Variants in PDLIM5 observed in about 807,000 individuals in gnomAD.
The protein encoded by PDLIM5 is PDZ and LIM domain 5.
A neutral mutation model predicts 64.2 loss-of-function variants in PDLIM5; 34 were observed. The observed-to-expected ratio is 0.53, with a 90% confidence interval of 0.40 to 0.71. PDLIM5 has a LOEUF of 0.71. Among genes scored for constraint, PDLIM5 ranks in the 30% least tolerant of loss-of-function variants. The pLI, the probability that PDLIM5 is intolerant of heterozygous loss-of-function variation, is 0.00. For missense variants in PDLIM5, 683 were observed against 733.6 expected (o/e 0.93, Z 0.80); for synonymous variants, 253 against 269.1 (o/e 0.94, Z 0.59).
At chr4:94,650,972 G>A (rs920645225) in intron 9 of PDLIM5, among the ~76,000 whole-genome samples, 3 of 152,090 alleles carry the variant, frequency 2.0e-5, no homozygotes, top group Non-Finnish European at 2.9e-5. Flanking sequence ...ACAGGACATC[G>A]AATACTAGAA....
At chr4:94,530,540 TATATATAG>T (rs1730777384) in intron 3 of PDLIM5, among the ~76,000 whole-genome samples, 1 of 103,902 alleles carries the variant, frequency 9.6e-6, no homozygotes, top group Non-Finnish European at 2.2e-5. Flanking sequence ...TATATATATA[TATATATAG>T]TTTTTCTACT....
intron 7 of PDLIM5, among the ~76,000 whole-genome samples, chr4:94,611,809 G>T (rs544604456): frequency 6.6e-6 from 1 of 152,146 alleles, no homozygotes; most frequent in East Asian, 1.9e-4. Flanking sequence ...TTGACAGAAC[G>T]TAAAATCAGT....
chr4:94,522,521 A>G lies in PDLIM5; in HGVS notation c.97-1203A>G, dbSNP rs535327955. 2.5e-3 allele frequency among the ~76,000 whole-genome samples: 387 copies of G among 152,164 alleles called. 3 individuals carry two copies. Among genetic ancestry groups the G allele is most frequent in the Non-Finnish European group, 3.5e-4 (24 of 67,996 alleles). ...CTCCCGAGTAGCTGGGATTACAGGC[A>G]TGCACCACCACGCCCGGCTGATTTT... On this transcript the variant is annotated intron_variant, in intron 2 of 12. Transcript: ENST00000317968.
chr4:94,494,429 C>CTTTTTTTTTTTTTTTTT (rs1261064734), intron 2 of PDLIM5, among the ~76,000 whole-genome samples: 8 of 51,596 alleles, frequency 1.6e-4, no homozygotes, highest in African/African-American at 3.4e-4. Context: ...TTTTTTTTTT[C>CTTTTTTTTTTTTTTTTT]TTGTTTTTTT....
chr4:94,549,555 C>T (rs539023025), intron 3 of PDLIM5, among the ~76,000 whole-genome samples: 34 of 152,174 alleles, frequency 2.2e-4, no homozygotes, highest in Admixed American at 6.5e-4. Flanking sequence ...AATATATCTT[C>T]GTCTGTCTGT....
intron 2 of PDLIM5, among the ~76,000 whole-genome samples, chr4:94,499,456 A>T (rs569724265): frequency 3.9e-5 from 6 of 152,304 alleles, no homozygotes; most frequent in African/African-American, 1.4e-4. Flanking sequence ...GCATCTGTGG[A>T]TTGAAAATGT....
intron 8 of PDLIM5, among the ~76,000 whole-genome samples, chr4:94,622,133 A>G (rs1350173260): frequency 6.6e-6 from 1 of 152,232 alleles, no homozygotes; most frequent in Admixed American, 6.5e-5. Context: ...ATGGTATACC[A>G]TAGTTTAAAG....
At position 94,627,692 on chromosome 4, in the gene PDLIM5, C is replaced by T. The variant is rs899953821; in HGVS notation, c.1108+9501C>T. ...GAATATTGCAAGAGTCTGTAAGGCC[C>T]ACAAAGCCTAAAATATTTATTCTCT... On this transcript the variant is annotated intron_variant, in intron 8 of 12. Coordinates refer to ENST00000317968, the MANE Select transcript of PDLIM5 (RefSeq NM_006457.5). Among the ~76,000 whole-genome samples the T allele has an allele frequency of 3.3e-5, 5 of 152,182 alleles. No homozygotes were observed. The South Asian group carries it at 6.2e-4, about 19-fold the overall frequency.
intron 8 of PDLIM5, among the ~76,000 whole-genome samples, chr4:94,624,919 A>G (rs1030879882): frequency 6.6e-6 from 1 of 152,250 alleles, no homozygotes; most frequent in Non-Finnish European, 1.5e-5. Context: ...TTAAAAGATT[A>G]TTATAGCATT....
intron 2 of PDLIM5, among the ~76,000 whole-genome samples, chr4:94,470,957 A>G (rs1464976545): frequency 6.6e-6 from 1 of 152,186 alleles, no homozygotes; most frequent in African/African-American, 2.4e-5. Context: ...GCAAAGTCAC[A>G]TCTTACATGG....
intron 3 of PDLIM5, among the ~76,000 whole-genome samples, chr4:94,561,942 T>C (rs1313503611): frequency 1.3e-5 from 2 of 152,254 alleles, no homozygotes; most frequent in Non-Finnish European, 2.9e-5. Context: ...ATTTTGATTA[T>C]GTCAGAAGCA....
intron 3 of PDLIM5, among the ~76,000 whole-genome samples, chr4:94,539,865 G>A (rs1656740617): frequency 6.6e-6 from 1 of 152,108 alleles, no homozygotes; most frequent in Admixed American, 6.5e-5. Flanking sequence ...TGAGGGGACA[G>A]GAAGAGTTGG....
rs59097362 is a variant in PDLIM5 at position 94,663,605 on chromosome 4, G to T, written c.1702-373G>T. On this transcript the variant is annotated intron_variant, in intron 12 of 12. Transcript: ENST00000317968. ...TGGGAAGGTTTGGTAAAGCAAATGA[G>T]TCTCTACAACACAAAGCAAAATTAG... is the stretch of plus-strand genomic sequence containing the variant. Among the ~76,000 whole-genome samples, 512 of 152,234 alleles carry T rather than the reference G, an allele frequency of 3.4e-3. 4 individuals carry two copies. The highest frequency in any genetic ancestry group is 0.012 in the African/African-American group (492 of 41,540).
intron 7 of PDLIM5, among the ~76,000 whole-genome samples, chr4:94,615,625 A>G (rs982676440): frequency 1.3e-5 from 2 of 152,178 alleles, no homozygotes; most frequent in African/African-American, 4.8e-5. Flanking sequence ...TTTATCTTAG[A>G]AGGCTTTGTA....
intron 9 of PDLIM5, among the ~76,000 whole-genome samples, chr4:94,648,690 G>A (rs1741608647): frequency 1.3e-5 from 2 of 152,214 alleles, no homozygotes; most frequent in African/African-American, 4.8e-5. Context: ...TGTCAGCTGA[G>A]CTGAAGTTAT....
At chr4:94,533,786 G>T (rs1342578557) in intron 3 of PDLIM5, among the ~76,000 whole-genome samples, 1 of 152,164 alleles carries the variant, frequency 6.6e-6, no homozygotes, top group Non-Finnish European at 1.5e-5. Context: ...ACTTCTAGAG[G>T]ACCATATTTG....
rs1039922739 is a variant in PDLIM5, at chr4:94,584,989, A to T, written c.711-576A>T. 13 of 1,530,104 alleles carry T rather than the reference A, an allele frequency of 8.5e-6. No homozygotes were observed. In the Admixed American group the frequency reaches 2.0e-4, roughly 24 times the overall value. 94.8% of individuals were successfully genotyped at this position (1,530,104 alleles called of 1,614,324 possible). A position where few individuals can be genotyped will look rare whatever the true frequency, so the allele number is the denominator to read the frequency against. On this transcript the variant is annotated intron_variant, in intron 5 of 12. Transcript: ENST00000317968. ...GCCTTCCTCTGTCAATTAAAAGGAA[A>T]ATCCCACCTAAACGGTAATCTTTCT...
chr4:94,539,333 G>A (rs1283800295), intron 3 of PDLIM5, among the ~76,000 whole-genome samples: 5 of 152,046 alleles, frequency 3.3e-5, no homozygotes, highest in African/African-American at 1.2e-4. Context: ...TGTTACATGT[G>A]CTTTAGGCTG....
At chr4:94,572,252 G>T (rs1171720302) in intron 3 of PDLIM5, among the ~76,000 whole-genome samples, 1 of 152,098 alleles carries the variant, frequency 6.6e-6, no homozygotes, top group African/African-American at 2.4e-5. Flanking sequence ...AGTGTGATAT[G>T]AGTGGAATCA....
Sources: allele counts gnomAD v4.1 joint callset (sites outside exome capture counted in the v4.1 genomes callset), GRCh38; gene constraint gnomAD v4.1.1; transcripts MANE v1.5; gene names NCBI Gene and HGNC (gene_info 2026-07-23, HGNC 2026-07-21).